The following APOL5 variants were observed in gnomAD, a reference collection of about 807,000 sequenced individuals.
APOL5 encodes apolipoprotein L, 5.
APOL5 carries 29 observed loss-of-function variants against 35.5 expected under a neutral mutation model. The observed-to-expected ratio is 0.82, with a 90% CI of 0.61 to 1.11. APOL5 has a LOEUF of 1.11. Among genes scored for constraint, APOL5 ranks in the 50% most tolerant of loss-of-function variants. The pLI is 0.00. For synonymous variants in APOL5, 188 were observed against 200.2 expected, an observed-to-expected ratio of 0.94 and a Z score of 0.51; for missense variants, 514 against 530.4, an observed-to-expected ratio of 0.97 and a Z score of 0.30.
upstream of APOL5, among the ~76,000 whole-genome samples, chr22:35,717,235 A>AAT (rs1555930034): frequency 0.016 from 931 of 57,616 alleles, 62 homozygotes; most frequent in African/African-American, 0.063. Context: ...AAAAAAAAAA[A>AAT]ATATATATAT....
At chr22:35,724,592 A>T (rs1178448123) in intron 2 of APOL5, among the ~76,000 whole-genome samples, 3 of 152,080 alleles carry the variant, frequency 2.0e-5, no homozygotes, top group Non-Finnish European at 4.4e-5. Context: ...GTATCCACAT[A>T]CATTTATTTT....
chr22:35,713,410 G>A (rs1926646896), upstream of APOL5, among the ~76,000 whole-genome samples: 1 of 152,270 alleles, frequency 6.6e-6, no homozygotes, highest in East Asian at 1.9e-4. Context: ...CCCTCTCTCT[G>A]GGGTAGCTTC....
At chr22:35,719,535 T>C (rs1926883512) in intron 1 of APOL5, among the ~76,000 whole-genome samples, 1 of 152,228 alleles carries the variant, frequency 6.6e-6, no homozygotes, top group Non-Finnish European at 1.5e-5. Context: ...TCTTGGTGCC[T>C]ATCATTGTGT....
chr22:35,726,197 C>G lies in APOL5; in HGVS notation c.143-14C>G, dbSNP rs1180382614. ...GCACACATTTTAGTGCTCAGATTGC[C>G]TAGATGTCTTTAGCCTCACTCGTGA... On this transcript the variant is annotated splice_polypyrimidine_tract_variant and intron_variant, in intron 2 of 4. Transcript: ENST00000249044. 1.9e-6 allele frequency: 3 copies of G among 1,600,658 alleles called. No individual in the cohort carries two copies. The highest frequency in any genetic ancestry group is 2.6e-6 in the Non-Finnish European group (3 of 1,169,324).
At chr22:35,717,236 ATAT>A (rs1411159455), upstream of APOL5, among the ~76,000 whole-genome samples, 1 of 42,798 alleles carries the variant, frequency 2.3e-5, no homozygotes, top group African/African-American at 1.8e-4. Context: ...AAAAAAAAAA[ATAT>A]ATATATATAT....
At chr22:35,715,653 A>G (rs1308170804), upstream of APOL5, among the ~76,000 whole-genome samples, 1 of 152,324 alleles carries the variant, frequency 6.6e-6, no homozygotes, top group Admixed American at 6.5e-5. Flanking sequence ...CAAAAATTAA[A>G]TAAATATATA....
chr22:35,718,216 C>T (rs4821439), intron 1 of APOL5, among the ~76,000 whole-genome samples: 108,341 of 151,742 alleles, frequency 0.71, 39,295 homozygotes, highest in African/African-American at 0.83. Context: ...AGTGTGGCAG[C>T]GGGGAAGGGG....
the APOL5 span, among the ~76,000 whole-genome samples, chr22:35,708,970 C>T: frequency 6.6e-6 from 1 of 152,188 alleles, no homozygotes; most frequent in Admixed American, 6.5e-5. Context: ...ATTTCCTTGG[C>T]TACACAATGC....
the APOL5 span, among the ~76,000 whole-genome samples, chr22:35,712,129 C>T: frequency 1.3e-5 from 2 of 152,134 alleles, no homozygotes; most frequent in Non-Finnish European, 2.9e-5. Flanking sequence ...ATTTCAGCCT[C>T]CTCAGTAGCT....
At chr22:35,728,210 A>G (rs1927239422) in intron 3 of APOL5, among the ~76,000 whole-genome samples, 1 of 151,820 alleles carries the variant, frequency 6.6e-6, no homozygotes, top group Admixed American at 6.6e-5. Flanking sequence ...TGGATTTTAG[A>G]CCTTTTTTTT....
At chr22:35,711,854 T>G in the APOL5 span, among the ~76,000 whole-genome samples, 1 of 151,974 alleles carries the variant, frequency 6.6e-6, no homozygotes, top group African/African-American at 2.4e-5. Flanking sequence ...TTTTGTATTT[T>G]AGTGGAGACG....
intron 1 of APOL5, among the ~76,000 whole-genome samples, chr22:35,718,517 T>G (rs539822929): frequency 1.4e-5 from 2 of 140,000 alleles, no homozygotes; most frequent in East Asian, 4.4e-4. Flanking sequence ...CTCGGGAGGG[T>G]GAGGCAGGAG....
At chr22:35,720,455 T>C (rs1926927885) in intron 1 of APOL5, 113 bp from the exon 2 acceptor site, 1 of 787,438 alleles carries the variant, frequency 1.3e-6, no homozygotes, top group Non-Finnish European at 2.1e-6. Context: ...TTCTTTTTTT[T>C]TTCTAATTCT....
the APOL5 span, among the ~76,000 whole-genome samples, chr22:35,711,604 T>C: frequency 1.6e-5 from 2 of 123,814 alleles, no homozygotes; most frequent in African/African-American, 6.0e-5. Context: ...ATGTTTTTCC[T>C]TCCTTCCTTC....
upstream of APOL5, among the ~76,000 whole-genome samples, chr22:35,717,647 G>A (rs1488017131): frequency 6.7e-6 from 1 of 149,526 alleles, no homozygotes; most frequent in Non-Finnish European, 1.5e-5. Context: ...GGCTGAGGCA[G>A]AAGAGTCAGT....
chr22:35,722,804 G>A (rs1927019065), intron 2 of APOL5, among the ~76,000 whole-genome samples: 1 of 152,174 alleles, frequency 6.6e-6, no homozygotes, highest in Admixed American at 6.5e-5. Flanking sequence ...GCCTAGATGT[G>A]TCACCGTGAT....
At chr22:35,725,754 G>T (rs1326104287) in intron 2 of APOL5, among the ~76,000 whole-genome samples, 3 of 152,130 alleles carry the variant, frequency 2.0e-5, no homozygotes, top group Admixed American at 2.0e-4. Context: ...TGAGTGCAGG[G>T]TCTGAAAAAT....
chr22:35,713,856 C>T (rs982630308), upstream of APOL5, among the ~76,000 whole-genome samples: 9 of 152,234 alleles, frequency 5.9e-5, no homozygotes, highest in South Asian at 4.1e-4. Context: ...ATCCTGGGTC[C>T]GAAAGTGAAG....
chr22:35,720,721 C>T (rs1022716295), intron 2 of APOL5, 67 bp downstream of exon 2: 1 of 1,134,622 alleles, frequency 8.8e-7, no homozygotes, highest in Non-Finnish European at 1.3e-6. Context: ...GTGTCTGTCA[C>T]AGACCCAGCA....
Sources: allele counts gnomAD v4.1 joint callset (sites outside exome capture counted in the v4.1 genomes callset), GRCh38; gene constraint gnomAD v4.1.1; transcripts MANE v1.5; gene names NCBI Gene and HGNC (gene_info 2026-07-23, HGNC 2026-07-21).